SEMA3E: variants seen among roughly 807,000 people sequenced by gnomAD.
SEMA3E encodes the protein semaphorin-3E.
In SEMA3E, 49 loss-of-function variants were observed where a neutral mutation model predicts 93.6. The observed-to-expected ratio is 0.52, with a 90% CI of 0.42 to 0.66. The LOEUF is 0.66. SEMA3E is among the 30% of genes least tolerant of loss of function. SEMA3E has a pLI of 0.00. For synonymous variants in SEMA3E, 363 were observed against 330.7 expected (o/e 1.10, Z -1.06); for missense variants, 906 against 964.8 (o/e 0.94, Z 0.81).
chr7:83,384,153 T>C (rs1220811063), intron 16 of SEMA3E, among the ~76,000 whole-genome samples: 1 of 151,986 alleles, frequency 6.6e-6, no homozygotes. Context: ...AATTTAATTA[T>C]CTCCCAGAAT....
At chr7:83,509,664 G>A (rs1050791255) in intron 1 of SEMA3E, among the ~76,000 whole-genome samples, 8 of 152,102 alleles carry the variant, frequency 5.3e-5, no homozygotes, top group South Asian at 2.1e-4. Flanking sequence ...TTCTCTACCT[G>A]GGTTGCACAT....
chr7:83,475,209 A>G (rs1789985418), intron 2 of SEMA3E, among the ~76,000 whole-genome samples: 1 of 152,088 alleles, frequency 6.6e-6, no homozygotes, highest in Non-Finnish European at 1.5e-5. Context: ...ATTATTATGT[A>G]AAATGAAGGC....
intron 1 of SEMA3E, among the ~76,000 whole-genome samples, chr7:83,492,125 G>A (rs1790397411): frequency 6.6e-6 from 1 of 152,048 alleles, no homozygotes; most frequent in Non-Finnish European, 1.5e-5. Context: ...TACAACTGAT[G>A]AAAGGATGGT....
intron 4 of SEMA3E, among the ~76,000 whole-genome samples, chr7:83,433,786 G>A (rs1278488045): frequency 2.0e-5 from 3 of 152,016 alleles, no homozygotes; most frequent in Non-Finnish European, 2.9e-5. Context: ...AGCAAATAAG[G>A]TGTTGTATCA....
intron 4 of SEMA3E, among the ~76,000 whole-genome samples, chr7:83,453,237 C>T (rs1185392874): frequency 6.6e-6 from 1 of 151,978 alleles, no homozygotes; most frequent in African/African-American, 2.4e-5. Flanking sequence ...ACCACATTGG[C>T]GAGGCTGGTC....
At chr7:83,637,040 ATGTGTGTG>A (rs551927562) in intron 1 of SEMA3E, among the ~76,000 whole-genome samples, 2 of 148,636 alleles carry the variant, frequency 1.3e-5, no homozygotes, top group Non-Finnish European at 3.0e-5. Context: ...GTGTGTGTGT[ATGTGTGTG>A]TGTGTGTGTG....
At chr7:83,469,139 A>G (rs972348493) in intron 3 of SEMA3E, 104 bp downstream of exon 3, 11 of 898,576 alleles carry the variant, frequency 1.2e-5, no homozygotes, top group Non-Finnish European at 2.0e-5. Context: ...CAAATTGCAT[A>G]CATACTTTTA....
chr7:83,517,564 T>G (rs367722925), intron 1 of SEMA3E, among the ~76,000 whole-genome samples: 9 of 152,170 alleles, frequency 5.9e-5, no homozygotes, highest in East Asian at 3.9e-4. Context: ...CACCCACTTC[T>G]GTAGAGATAG....
intron 11 of SEMA3E, 68 bp downstream of exon 11, chr7:83,399,960 A>T: frequency 8.1e-7 from 1 of 1,229,682 alleles, no homozygotes. Flanking sequence ...TGCTTTTAGA[A>T]ATATTATTAA....
chr7:83,634,474 A>G (rs1793844541), intron 1 of SEMA3E, among the ~76,000 whole-genome samples: 1 of 152,132 alleles, frequency 6.6e-6, no homozygotes, highest in Admixed American at 6.5e-5. Flanking sequence ...CAAGCAAAAA[A>G]CATTTGGCAA....
chr7:83,603,167 C>T (rs969453277), intron 1 of SEMA3E, among the ~76,000 whole-genome samples: 1 of 152,110 alleles, frequency 6.6e-6, no homozygotes, highest in Admixed American at 6.5e-5. Context: ...AAGTCTTCTA[C>T]TCCTGGGAGT....
chr7:83,406,163 T>C, intron 7 of SEMA3E, 104 bp from the exon 8 acceptor site: 1 of 830,164 alleles, frequency 1.2e-6, no homozygotes, highest in African/African-American at 1.7e-5. Context: ...GACTTTTTTA[T>C]TTAACTAGGA....
intron 4 of SEMA3E, among the ~76,000 whole-genome samples, chr7:83,436,426 G>C (rs932975895): frequency 6.6e-6 from 1 of 151,326 alleles, no homozygotes; most frequent in African/African-American, 2.4e-5. Context: ...TGAAGTTTCT[G>C]GTTTGATTTT....
intron 1 of SEMA3E, among the ~76,000 whole-genome samples, chr7:83,510,431 A>AT: frequency 6.6e-6 from 1 of 152,260 alleles, no homozygotes; most frequent in East Asian, 1.9e-4. Context: ...CATTTATATG[A>AT]TTTTAACACA....
chr7:83,408,321 AG>A, intron 6 of SEMA3E, 46 bp downstream of exon 6: 1 of 1,611,364 alleles, frequency 6.2e-7, no homozygotes, highest in Non-Finnish European at 8.5e-7. Context: ...CGTAAGTTTT[AG>A]AGTTGATTTC....
chr7:83,461,901 G>C (rs62460819), intron 4 of SEMA3E: 3 of 152,238 alleles, frequency 2.0e-5, no homozygotes, highest in Non-Finnish European at 2.9e-5. Context: ...GCAGCCAGGC[G>C]TTCCTCCAGA....
At chr7:83,422,279 A>T (rs895735121) in intron 4 of SEMA3E, among the ~76,000 whole-genome samples, 1 of 152,186 alleles carries the variant, frequency 6.6e-6, no homozygotes, top group Non-Finnish European at 1.5e-5. Context: ...AAGCCAAAAA[A>T]GTTTTACCTT....
At chr7:83,457,145 C>G (rs751190379) in intron 4 of SEMA3E, among the ~76,000 whole-genome samples, 6 of 152,062 alleles carry the variant, frequency 3.9e-5, no homozygotes, top group Admixed American at 6.6e-5. Context: ...ATTCTACCAC[C>G]ACCTAAATAA....
At chr7:83,458,681 G>A (rs1271579743) in intron 4 of SEMA3E, among the ~76,000 whole-genome samples, 1 of 151,816 alleles carries the variant, frequency 6.6e-6, no homozygotes, top group East Asian at 1.9e-4. Flanking sequence ...ATCCAACGGG[G>A]TGAGCTTAGT....
Sources: allele counts gnomAD v4.1 joint callset (sites outside exome capture counted in the v4.1 genomes callset), GRCh38; gene constraint gnomAD v4.1.1; transcripts MANE v1.5; gene names NCBI Gene and HGNC (gene_info 2026-07-23, HGNC 2026-07-21).